The following FBLN2 variants were observed in gnomAD, a reference collection of about 807,000 sequenced individuals.
FBLN2 encodes the protein fibulin 2, also known as fibulin-2.
Under a neutral mutation model 123.7 loss-of-function variants are expected in FBLN2, and 81 were observed. The observed-to-expected ratio is 0.65, with a 90% CI of 0.55 to 0.79. The LOEUF (loss-of-function observed/expected upper bound fraction) is 0.79. Among genes scored for constraint, FBLN2 ranks in the 30% least tolerant of loss-of-function variants. The pLI, the probability that FBLN2 is intolerant of heterozygous loss-of-function variation, is 0.00. For missense variants in FBLN2, 1,603 were observed against 1,681.3 expected (o/e 0.95, Z 0.81); for synonymous variants, 699 against 701.4 (o/e 1.00, Z 0.05).
intron 2 of FBLN2, among the ~76,000 whole-genome samples, chr3:13,592,461 G>T (rs903270504): frequency 6.6e-6 from 1 of 152,150 alleles, no homozygotes; most frequent in South Asian, 2.1e-4. Flanking sequence ...TCTTTTTCAA[G>T]ATTGTTTCAG....
At chr3:13,603,263 G>C (rs1574974971) in intron 2 of FBLN2, among the ~76,000 whole-genome samples, 1 of 146,602 alleles carries the variant, frequency 6.8e-6, no homozygotes, top group East Asian at 2.0e-4. Context: ...TATACTTTAA[G>C]TTCTAGGGTA....
At chr3:13,624,915 G>T (rs1705979114) in intron 9 of FBLN2, among the ~76,000 whole-genome samples, 1 of 152,278 alleles carries the variant, frequency 6.6e-6, no homozygotes, top group Non-Finnish European at 1.5e-5. Context: ...TGGCCTTGGG[G>T]CGGTTTCTGA....
At chr3:13,586,469 C>G (rs935055000) in intron 2 of FBLN2, among the ~76,000 whole-genome samples, 2 of 149,234 alleles carry the variant, frequency 1.3e-5, no homozygotes, top group South Asian at 4.2e-4. Flanking sequence ...AGGCATGAGC[C>G]ACCACGCCTG....
intron 2 of FBLN2, among the ~76,000 whole-genome samples, chr3:13,579,694 T>A (rs151309779): frequency 6.6e-6 from 1 of 152,362 alleles, no homozygotes; most frequent in East Asian, 1.9e-4. Flanking sequence ...CCGGTTCCCT[T>A]ACTGATGGAT....
intron 2 of FBLN2, among the ~76,000 whole-genome samples, chr3:13,575,766 G>A (rs559209710): frequency 1.5e-4 from 23 of 152,214 alleles, no homozygotes; most frequent in African/African-American, 5.1e-4. Flanking sequence ...TTCTGAGCCT[G>A]GCTGCATGCC....
intron 5 of FBLN2, among the ~76,000 whole-genome samples, chr3:13,617,145 TCCATC>T (rs1559420997): frequency 1.1e-4 from 16 of 150,096 alleles, no homozygotes; most frequent in African/African-American, 4.0e-4. Context: ...CATTCATCAA[TCCATC>T]CATCCATCCA....
chr3:13,582,060 C>A (rs1044226033), intron 2 of FBLN2, among the ~76,000 whole-genome samples: 4 of 152,128 alleles, frequency 2.6e-5, no homozygotes, highest in African/African-American at 9.7e-5. Context: ...TGGCTTCCTC[C>A]CAGAGCTGTG....
intron 9 of FBLN2, among the ~76,000 whole-genome samples, chr3:13,623,781 G>C (rs1029858534): frequency 6.6e-6 from 1 of 152,164 alleles, no homozygotes; most frequent in African/African-American, 2.4e-5. Flanking sequence ...CCTCATCTGT[G>C]AATGAGATAA....
intron 10 of FBLN2, among the ~76,000 whole-genome samples, chr3:13,627,389 G>A (rs527942840): frequency 6.6e-6 from 1 of 152,246 alleles, no homozygotes; most frequent in Non-Finnish European, 1.5e-5. Flanking sequence ...TAGGCACACG[G>A]TGGGGATATC....
chr3:13,614,236 C>G, intron 5 of FBLN2, 72 bp downstream of exon 5: 2 of 1,468,528 alleles, frequency 1.4e-6, no homozygotes, highest in Non-Finnish European at 9.2e-7. Context: ...CTGTGGGGAC[C>G]CTGGGTCCAT....
intron 2 of FBLN2, among the ~76,000 whole-genome samples, chr3:13,575,131 G>A (rs1345322920): frequency 3.3e-5 from 5 of 152,234 alleles, no homozygotes; most frequent in Admixed American, 3.3e-4. Context: ...CCTCAGCTGA[G>A]TGTTGGACAC....
chr3:13,574,995 G>C (rs1207030958), intron 2 of FBLN2, among the ~76,000 whole-genome samples: 1 of 152,228 alleles, frequency 6.6e-6, no homozygotes, highest in African/African-American at 2.4e-5. Flanking sequence ...GGTTGCGTCT[G>C]CCTTGCTCAC....
chr3:13,585,743 A>G (rs1704476454), intron 2 of FBLN2, among the ~76,000 whole-genome samples: 1 of 152,160 alleles, frequency 6.6e-6, no homozygotes, highest in African/African-American at 2.4e-5. Flanking sequence ...ATGAGCCAAG[A>G]TCGCACCATT....
chr3:13,605,629 A>T (rs1328047319), intron 2 of FBLN2, among the ~76,000 whole-genome samples: 2 of 152,030 alleles, frequency 1.3e-5, no homozygotes, highest in African/African-American at 2.4e-5. Flanking sequence ...GCTGTCCGCA[A>T]CCCCTTTCCA....
At position 13,613,968 on chromosome 3, in the gene FBLN2, C is replaced by T; in HGVS notation, c.1549-16C>T. 1.9e-6 allele frequency: 3 copies of T among 1,607,730 alleles called. No individual in the cohort carries two copies. Among genetic ancestry groups the T allele is most frequent in the Non-Finnish European group, 2.5e-6 (3 of 1,178,166 alleles). ...GGGGCCAGAGATTGGGCAGTGATAA[C>T]TGTCTCTCCCTGCAGCAATGCTGTG... On this transcript the variant is annotated splice_polypyrimidine_tract_variant and intron_variant, in intron 4 of 17. Transcript: ENST00000404922.
chr3:13,592,916 G>A (rs1460070502), intron 2 of FBLN2, among the ~76,000 whole-genome samples: 1 of 152,210 alleles, frequency 6.6e-6, no homozygotes, highest in African/African-American at 2.4e-5. Flanking sequence ...TCAGCTGGGA[G>A]CTCAGCTGGG....
chr3:13,623,166 T>C (rs1705913325), intron 9 of FBLN2, among the ~76,000 whole-genome samples: 1 of 152,246 alleles, frequency 6.6e-6, no homozygotes, highest in Non-Finnish European at 1.5e-5. Context: ...ATGCGCCTCC[T>C]GACCCTGCTT....
At chr3:13,606,602 A>G (rs1705211230) in intron 2 of FBLN2, among the ~76,000 whole-genome samples, 1 of 152,232 alleles carries the variant, frequency 6.6e-6, no homozygotes, top group African/African-American at 2.4e-5. Context: ...AGCCTTACTG[A>G]TAGCACAAAT....
intron 1 of FBLN2, among the ~76,000 whole-genome samples, chr3:13,552,313 C>T (rs1280409904): frequency 1.3e-5 from 2 of 152,122 alleles, no homozygotes; most frequent in Middle Eastern, 3.2e-3. Flanking sequence ...CAGATTTGGA[C>T]TGACTTTGCA....
Sources: gnomAD v4.1 joint callset for allele counts (sites outside exome capture counted in the v4.1 genomes callset) on GRCh38, gnomAD v4.1.1 for gene constraint, MANE v1.5 for transcripts, NCBI Gene and HGNC (gene_info 2026-07-23, HGNC 2026-07-21) for gene names.